SMC2: variants seen among roughly 807,000 people sequenced by gnomAD.
SMC2 encodes the protein structural maintenance of chromosomes 2, also known as structural maintenance of chromosomes protein 2.
A neutral mutation model predicts 142.6 loss-of-function variants in SMC2; 41 were observed. The observed-to-expected ratio is 0.29, with a 90% confidence interval of 0.22 to 0.37. The LOEUF is 0.37. SMC2 is among the 10% of genes least tolerant of loss of function. The pLI is 1.00. For missense variants in SMC2, 1,265 were observed against 1,373.7 expected (o/e 0.92, Z 1.25); for synonymous variants, 463 against 457.5 (o/e 1.01, Z -0.15).
At chr9:104,101,587 C>T (rs1048476378) in intron 7 of SMC2, among the ~76,000 whole-genome samples, 7 of 152,054 alleles carry the variant, frequency 4.6e-5, no homozygotes, top group African/African-American at 1.7e-4. Context: ...ATGATGTAAG[C>T]GAGTGCTTGT....
intron 20 of SMC2, 120 bp downstream of exon 20, chr9:104,127,600 G>A (rs75890905): frequency 0.024 from 14,483 of 597,582 alleles, 887 homozygotes; most frequent in African/African-American, 0.18. Context: ...TTACAGCCTG[G>A]CATAAATTTG....
In SMC2 at chr9:104,116,362, G is replaced by C. The variant is rs189382641; in HGVS notation, c.1791+43G>C. 5.8e-6 allele frequency: 9 copies of C among 1,539,260 alleles called. No homozygotes were observed. In the African/African-American group the frequency reaches 1.3e-4, roughly 22 times the overall value. On this transcript the variant is annotated intron_variant, in intron 14 of 24. Transcript: ENST00000374793. ...TTATTTATATGTTTAATCGTCATCT[G>C]TGGTTTTTTTAAGTTAGAAGACATT...
At chr9:104,100,778 A>T (rs1831027320) in intron 7 of SMC2, among the ~76,000 whole-genome samples, 1 of 152,208 alleles carries the variant, frequency 6.6e-6, no homozygotes, top group South Asian at 2.1e-4. Context: ...CTCATTGAGA[A>T]CAATTTCCAG....
intron 18 of SMC2, among the ~76,000 whole-genome samples, chr9:104,126,282 G>T (rs962106340): frequency 1.3e-5 from 2 of 152,082 alleles, no homozygotes; most frequent in Admixed American, 6.5e-5. Flanking sequence ...TGGGAAAGAA[G>T]AATATTGAGA....
intron 18 of SMC2, among the ~76,000 whole-genome samples, chr9:104,126,256 G>A (rs1472754279): frequency 6.6e-6 from 1 of 152,100 alleles, no homozygotes; most frequent in Non-Finnish European, 1.5e-5. Flanking sequence ...CTCTTCTAAT[G>A]AACTGAAGGC....
At chr9:104,121,812 T>A (rs570577688) in intron 16 of SMC2, among the ~76,000 whole-genome samples, 17 of 151,992 alleles carry the variant, frequency 1.1e-4, no homozygotes, top group Non-Finnish European at 2.1e-4. Flanking sequence ...TGAGACGGAG[T>A]CTCACTCGTC....
chr9:104,091,889 T>A (rs543411368), upstream of SMC2, among the ~76,000 whole-genome samples: 339 of 152,260 alleles, frequency 2.2e-3, no homozygotes, highest in Non-Finnish European at 3.2e-3. Flanking sequence ...ATATAAGGAC[T>A]CAGACTCCAC....
At chr9:104,126,997 ATTCC>A (rs1834373930) in intron 19 of SMC2, among the ~76,000 whole-genome samples, 1 of 151,812 alleles carries the variant, frequency 6.6e-6, no homozygotes, top group African/African-American at 2.4e-5. Flanking sequence ...CACTTAGTTG[ATTCC>A]ATCTACATTA....
chr9:104,121,164 A>G (rs7874617), intron 16 of SMC2, among the ~76,000 whole-genome samples: 8,693 of 152,118 alleles, frequency 0.057, 672 homozygotes, highest in African/African-American at 0.18. Flanking sequence ...AAAGCTTCAT[A>G]AGTTAAAAGA....
intron 22 of SMC2, among the ~76,000 whole-genome samples, chr9:104,133,539 T>C (rs944703092): frequency 4.6e-5 from 7 of 152,202 alleles, no homozygotes; most frequent in Non-Finnish European, 1.0e-4. Context: ...TGGAGATTTC[T>C]CTAGAGAACT....
chr9:104,096,036 A>T, intron 2 of SMC2, 112 bp from the exon 3 acceptor site: 1 of 907,550 alleles, frequency 1.1e-6, no homozygotes, highest in Non-Finnish European at 1.7e-6. Flanking sequence ...AACCTTGTCT[A>T]CTTAATGGAC....
rs1830472266 is a variant in SMC2 at position 104,096,651 on chromosome 9, G to A, written c.318+354G>A. Among the ~76,000 whole-genome samples the A allele has an allele frequency of 2.0e-5, 3 of 152,200 alleles. No homozygotes were observed. The South Asian group carries it at 6.2e-4, about 32-fold the overall frequency. ...GTTTTTGGACAGGTCTTATTAGAAAGTTAACAGCTATAAGTTTTGTCAGAG... is the reference window on the plus strand; with the variant it reads ...GTTTTTGGACAGGTCTTATTAGAAAATTAACAGCTATAAGTTTTGTCAGAG... On this transcript the variant is annotated intron_variant, in intron 3 of 24. Transcript: ENST00000374793.
intron 16 of SMC2, among the ~76,000 whole-genome samples, chr9:104,120,867 G>GA (rs1833653043): frequency 1.3e-5 from 2 of 152,146 alleles, no homozygotes; most frequent in Non-Finnish European, 2.9e-5. Context: ...AGGGGCTGGG[G>GA]ATCAGATAAA....
At chr9:104,088,789 T>A in the SMC2 span, among the ~76,000 whole-genome samples, 1 of 152,130 alleles carries the variant, frequency 6.6e-6, no homozygotes, top group African/African-American at 2.4e-5. Flanking sequence ...ACAAGTCTTC[T>A]CCACTCAACT....
chr9:104,094,788 G>A, intron 1 of SMC2: 1 of 203,112 alleles, frequency 4.9e-6, no homozygotes, highest in Non-Finnish European at 9.8e-6. Context: ...AGCACAATTC[G>A]GGGATGCAAT....
chr9:104,099,708 A>C, intron 5 of SMC2, 26 bp downstream of exon 5: 2 of 1,362,804 alleles, frequency 1.5e-6, no homozygotes, highest in Non-Finnish European at 2.1e-6. Flanking sequence ...ATGGACATTA[A>C]AAATAGTTGG....
In SMC2 at chr9:104,096,246, G is replaced by A. The variant is rs763300920; in HGVS notation, c.267G>A (p.Lys89=). The part of the protein sequence containing the change: ...VSITFDNSDK[K]QSPLGFEVHD... ...TCACTTTTGATAATTCTGACAAAAA[G>A]CAAAGTCCTTTAGGATTTGAGGTTC... The change falls in exon 3 of 25, where the codon AAG becomes AAA. Residue 89 remains lysine, a synonymous_variant. Coordinates refer to ENST00000374793, the MANE Select transcript of SMC2 (RefSeq NM_006444.3). The A allele has an allele frequency of 6.2e-7, 1 of 1,614,176 alleles. No individual in the cohort carries two copies. The highest frequency in any genetic ancestry group is 2.2e-5 in the East Asian group (1 of 44,882).
intron 21 of SMC2, among the ~76,000 whole-genome samples, chr9:104,130,434 GCTAT>G (rs1346535022): frequency 2.0e-5 from 3 of 152,172 alleles, no homozygotes; most frequent in Non-Finnish European, 2.9e-5. Flanking sequence ...ATAAGAAATG[GCTAT>G]CTTAGTAATT....
At chr9:104,116,414 G>A in intron 14 of SMC2, 95 bp downstream of exon 14, 1 of 1,183,374 alleles carries the variant, frequency 8.5e-7, no homozygotes, top group Non-Finnish European at 1.1e-6. Flanking sequence ...ATCATATGCA[G>A]AACCACAAAA....
Sources: allele counts gnomAD v4.1 joint callset (sites outside exome capture counted in the v4.1 genomes callset), GRCh38; gene constraint gnomAD v4.1.1; transcripts MANE v1.5; gene names NCBI Gene and HGNC (gene_info 2026-07-23, HGNC 2026-07-21).